The following MAGI2 variants were observed in gnomAD, a reference collection of about 807,000 sequenced individuals.
MAGI2 encodes membrane associated guanylate kinase, WW and PDZ domain containing 2, also known as membrane-associated guanylate kinase, WW and PDZ domain-containing protein 2.
In MAGI2, 35 loss-of-function variants were observed where a neutral mutation model predicts 133.3. The observed-to-expected ratio is 0.26, with a 90% CI of 0.20 to 0.35. MAGI2 has a LOEUF of 0.35. Among genes scored for constraint, MAGI2 ranks in the 10% least tolerant of loss-of-function variants. MAGI2 has a pLI of 1.00. For missense variants in MAGI2, 1,636 were observed against 1,863.4 expected (o/e 0.88, Z 2.25); for synonymous variants, 729 against 710.6 (o/e 1.03, Z -0.41).
chr7:78,350,143 A>T (rs887167126), intron 7 of MAGI2: 1 of 152,208 alleles, frequency 6.6e-6, no homozygotes, highest in Non-Finnish European at 1.5e-5. Context: ...AAGACTACTG[A>T]TGAGAGATGC....
At position 78,018,475 on chromosome 7, in the gene MAGI2, T is replaced by C. The variant is rs991223506; in HGVS notation, c.*840A>G. Reference sequence around the variant, plus strand: ...GCGTTGCCTATCTTGATTAAACAAATTGTGGTCCTTCAATTATAAAATTCA... The same window carrying C: ...GCGTTGCCTATCTTGATTAAACAAACTGTGGTCCTTCAATTATAAAATTCA... On this transcript the variant is annotated 3_prime_UTR_variant, in exon 22 of 22. Coordinates refer to ENST00000354212, the MANE Select transcript of MAGI2 (RefSeq NM_012301.4). 7.9e-5 allele frequency: 12 copies of C among 152,188 alleles called. No homozygotes were observed. Among genetic ancestry groups the C allele is most frequent in the African/African-American group, 2.4e-4 (10 of 41,446 alleles). The allele number at this position is 152,188 out of a possible 1,614,324, so 9.4% of individuals were successfully genotyped here. A position where few individuals can be genotyped will look rare whatever the true frequency, so the allele number is the denominator to read the frequency against.
chr7:79,118,939 A>G (rs1584970081), intron 1 of MAGI2, among the ~76,000 whole-genome samples: 4 of 152,168 alleles, frequency 2.6e-5, no homozygotes, highest in African/African-American at 7.2e-5. Flanking sequence ...TTGTCTCACA[A>G]ATTAGAAGCA....
chr7:78,855,297 C>T (rs573524098), intron 2 of MAGI2, among the ~76,000 whole-genome samples: 16 of 152,180 alleles, frequency 1.1e-4, no homozygotes, highest in Admixed American at 8.5e-4. Context: ...GGTACATGTG[C>T]ACAACTTGCA....
chr7:79,324,454 T>C lies in MAGI2; in HGVS notation c.301+128566A>G, dbSNP rs527278370. 1.8e-5 allele frequency among the ~76,000 whole-genome samples: 2 copies of C among 112,758 alleles called. 1 individual carries two copies. The highest frequency in any genetic ancestry group is 3.8e-5 in the Non-Finnish European group (2 of 52,942). The allele number at this position is 112,758 out of a possible 152,430, so 74.0% of individuals were successfully genotyped here. On this transcript the variant is annotated intron_variant, in intron 1 of 21. Coordinates refer to ENST00000354212, the MANE Select transcript of MAGI2 (RefSeq NM_012301.4). ...ATATATATAACCATATATATATGGT[T>C]ATAGATAGATACGTTGTGTGTGTAT...
chr7:78,735,280 T>C (rs1821740617), intron 2 of MAGI2, among the ~76,000 whole-genome samples: 1 of 152,194 alleles, frequency 6.6e-6, no homozygotes. Flanking sequence ...CACTGCATTA[T>C]TTGATGGCCT....
chr7:79,239,933 GACAA>G (rs1302781474), intron 1 of MAGI2, among the ~76,000 whole-genome samples: 2 of 152,236 alleles, frequency 1.3e-5, no homozygotes, highest in East Asian at 3.9e-4. Context: ...CCTGCCTTCT[GACAA>G]CATCTAATCT....
chr7:78,312,127 C>T (rs1168176924), intron 9 of MAGI2, among the ~76,000 whole-genome samples: 2 of 152,070 alleles, frequency 1.3e-5, no homozygotes, highest in African/African-American at 2.4e-5. Context: ...TACGATTTTA[C>T]ATGAAATGGG....
At chr7:78,768,171 T>G (rs1825221411) in intron 2 of MAGI2, among the ~76,000 whole-genome samples, 1 of 152,200 alleles carries the variant, frequency 6.6e-6, no homozygotes, top group African/African-American at 2.4e-5. Flanking sequence ...ACAAACATGG[T>G]CCTCTAATTC....
Position 78,019,857 on chromosome 7 carries a change from G to T in MAGI2, c.3826C>A (p.Pro1276Thr). The T allele has an allele frequency of 6.2e-7, 1 of 1,613,502 alleles. No individual in the cohort carries two copies. The highest frequency in any genetic ancestry group is 8.5e-7 in the Non-Finnish European group (1 of 1,179,878). ...GGGCCTGGGCTTATCTGGTGGGAAG[G>T]GTCGGAGGGTGGGGCTGGATGTGAT... is the stretch of plus-strand genomic sequence containing the variant. ...SPSHPAPPSD[P>T]SHQISPGPTW... The change falls in exon 22 of 22, where the codon CCT becomes ACT. Residue 1276 changes from proline (P) to threonine (T), a missense_variant. Around this residue, in one of 5 missense-constraint regions of MAGI2, gnomAD observed 354 missense variants for 298.7 expected, o/e 1.19. Coordinates refer to ENST00000354212, the MANE Select transcript of MAGI2 (RefSeq NM_012301.4).
chr7:78,826,849 C>A (rs919302204), intron 2 of MAGI2, among the ~76,000 whole-genome samples: 1 of 151,870 alleles, frequency 6.6e-6, no homozygotes, highest in East Asian at 1.9e-4. Flanking sequence ...CTATCTAGTT[C>A]GCGAAAGTGT....
intron 4 of MAGI2, among the ~76,000 whole-genome samples, chr7:78,514,944 C>T (rs1423991126): frequency 6.6e-6 from 1 of 152,164 alleles, no homozygotes; most frequent in African/African-American, 2.4e-5. Context: ...TGTACACATA[C>T]TGTATTCTCT....
intron 21 of MAGI2, among the ~76,000 whole-genome samples, chr7:78,022,760 A>G (rs1015253716): frequency 2.0e-5 from 3 of 152,182 alleles, no homozygotes; most frequent in Non-Finnish European, 4.4e-5. Flanking sequence ...GTTGGCTTCA[A>G]ATTACTTCTG....
At chr7:78,279,536 A>G (rs992186018) in intron 9 of MAGI2, among the ~76,000 whole-genome samples, 1 of 152,164 alleles carries the variant, frequency 6.6e-6, no homozygotes, top group Non-Finnish European at 1.5e-5. Flanking sequence ...CCTAAATTCA[A>G]TCACCCTCAG....
At chr7:79,047,353 T>C (rs1028218495) in intron 1 of MAGI2, among the ~76,000 whole-genome samples, 4 of 151,686 alleles carry the variant, frequency 2.6e-5, no homozygotes, top group Non-Finnish European at 4.4e-5. Flanking sequence ...AAAGAAGATA[T>C]ATAAAATGAT....
chr7:79,014,890 T>C (rs1808532866), intron 1 of MAGI2, among the ~76,000 whole-genome samples: 1 of 152,158 alleles, frequency 6.6e-6, no homozygotes, highest in Admixed American at 6.5e-5. Flanking sequence ...AGTTTCAGTA[T>C]AAAAATTTTA....
At chr7:78,886,770 C>T (rs1368983905) in intron 2 of MAGI2, among the ~76,000 whole-genome samples, 1 of 152,106 alleles carries the variant, frequency 6.6e-6, no homozygotes, top group Non-Finnish European at 1.5e-5. Flanking sequence ...AGGATTAACT[C>T]AAAATTTCCT....
At chr7:78,977,638 A>G (rs946982175) in intron 2 of MAGI2, among the ~76,000 whole-genome samples, 3 of 151,804 alleles carry the variant, frequency 2.0e-5, no homozygotes, top group Admixed American at 2.0e-4. Context: ...TTGTTTGGTG[A>G]TGAATTTTTA....
At chr7:78,754,370 CAAAT>C (rs1554555812) in intron 2 of MAGI2, among the ~76,000 whole-genome samples, 7,979 of 147,128 alleles carry the variant, frequency 0.054, 258 homozygotes, top group Non-Finnish European at 0.065. Flanking sequence ...GACCCTGTCT[CAAAT>C]AAATAAATAA....
At chr7:78,294,771 T>C (rs1310867372) in intron 9 of MAGI2, among the ~76,000 whole-genome samples, 3 of 152,156 alleles carry the variant, frequency 2.0e-5, no homozygotes, top group Non-Finnish European at 4.4e-5. Flanking sequence ...ATGGCCACAA[T>C]ACACGGTTTC....
Sources: gnomAD v4.1 joint callset for allele counts (sites outside exome capture counted in the v4.1 genomes callset) on GRCh38, gnomAD v4.1.1 for gene constraint, gnomAD v4.1.1 regional missense constraint, MANE v1.5 for transcripts, NCBI Gene and HGNC (gene_info 2026-07-23, HGNC 2026-07-21) for gene names.